Variants in BCLAF3 observed in about 807,000 individuals in gnomAD.
The protein encoded by BCLAF3 is transient octamer binding factor 1.
In BCLAF3, 24 loss-of-function variants were observed where a neutral mutation model predicts 51.2. The ratio of observed to expected loss-of-function variants is 0.47; its 90% CI spans 0.34 to 0.66. The LOEUF (loss-of-function observed/expected upper bound fraction) is 0.66, where lower values mean the gene tolerates loss of function less well. Among genes scored for constraint, BCLAF3 ranks in the 30% least tolerant of loss-of-function variants. The pLI is 0.01. For missense variants in BCLAF3, 465 were observed against 525.1 expected, an observed-to-expected ratio of 0.89 and a Z score of 1.12; for synonymous variants, 152 against 176.6, an observed-to-expected ratio of 0.86 and a Z score of 1.10.
chrX:19,972,131 A>T (rs1301615099), intron 1 of BCLAF3, among the ~76,000 whole-genome samples: 1 of 112,569 alleles, frequency 8.9e-6, no homozygotes, highest in African/African-American at 3.2e-5. Context: ...ACAAAGTATT[A>T]TGAAATTAAA....
intron 1 of BCLAF3, among the ~76,000 whole-genome samples, chrX:19,977,573 G>A (rs1025053198): frequency 1.1e-4 from 12 of 112,332 alleles, no homozygotes; most frequent in African/African-American, 3.9e-4. Context: ...TTGGAAGTTA[G>A]CAGAGGTTGG....
chrX:19,975,060 C>T (rs917148657), intron 1 of BCLAF3, among the ~76,000 whole-genome samples: 3 of 111,356 alleles, frequency 2.7e-5, no homozygotes, highest in Non-Finnish European at 5.7e-5. Flanking sequence ...CTAAAAACCA[C>T]TGAAATGCAC....
intron 8 of BCLAF3, among the ~76,000 whole-genome samples, chrX:19,941,769 C>T (rs2071060942): frequency 9.9e-6 from 1 of 101,104 alleles, no homozygotes; most frequent in African/African-American, 3.8e-5. Flanking sequence ...TTTTTTGGTT[C>T]CATATGAACT....
rs1056130569 is a variant in BCLAF3 at position 19,991,042 on chromosome X, G to A, written c.-169C>T. On this transcript the variant is annotated 5_prime_UTR_variant, in exon 1 of 12. Transcript: ENST00000379682. ...CAGCGACACCCCAGCCACCTCTGCC[G>A]GGCCGCGGGACCCGGAACCACTTCC... Among the ~76,000 whole-genome samples the A allele has an allele frequency of 9.3e-6, 1 of 107,634 alleles. No homozygotes were observed. Among genetic ancestry groups the A allele is most frequent in the African/African-American group, 3.4e-5 (1 of 29,676 alleles). The allele number at this position is 107,634 out of a possible 115,157, so 93.5% of individuals were successfully genotyped here.
chrX:19,981,608 T>C lies in BCLAF3; in HGVS notation c.-35+9300A>G, dbSNP rs182723078. Among the ~76,000 whole-genome samples, 572 of 112,048 alleles carry C rather than the reference T, an allele frequency of 5.1e-3. 3 individuals are homozygous for C. Among genetic ancestry groups the C allele is most frequent in the African/African-American group, 0.017 (532 of 30,843 alleles). On this transcript the variant is annotated intron_variant, in intron 1 of 11. Transcript: ENST00000379682. ...GATACCCAGGAGAAATGAAAACATA[T>C]GTCTACACAAAACTTGTATACAAAT...
Position 19,950,784 on chromosome X carries a change from G to A in BCLAF3, c.1714C>T (p.His572Tyr). 1 of 1,208,402 alleles carries A rather than the reference G, an allele frequency of 8.3e-7. No individual in the cohort carries two copies. Among genetic ancestry groups the A allele is most frequent in the Non-Finnish European group, 1.1e-6 (1 of 893,139 alleles). ...RKERLQNEDE[H>Y]IFHIASAAER... The stretch of plus-strand genomic sequence containing the variant: ...GCAGCACTAGCTATGTGAAAAATGT[G>A]CTCATCTTCATTCTGTAACCGTTCT... The change falls in exon 8 of 12, where the codon CAC (histidine) becomes TAC (tyrosine). Residue 572 changes from histidine (H) to tyrosine (Y), a missense_variant. Physicochemically the swap from His to Tyr is moderately conservative, Grantham distance 83. Coordinates refer to ENST00000379682, the MANE Select transcript of BCLAF3 (RefSeq NM_001367774.2).
intron 8 of BCLAF3, among the ~76,000 whole-genome samples, chrX:19,943,889 T>C (rs1342275071): frequency 2.3e-5 from 1 of 43,623 alleles, no homozygotes; most frequent in African/African-American, 9.4e-5. Context: ...AAGTCTCCCA[T>C]TATTAATGTG....
intron 9 of BCLAF3, among the ~76,000 whole-genome samples, chrX:19,936,781 AG>A (rs2070776861): frequency 8.9e-6 from 1 of 111,885 alleles, no homozygotes; most frequent in East Asian, 2.8e-4. Context: ...TCTTTAAGAC[AG>A]AAAGTAGATT....
intron 1 of BCLAF3, among the ~76,000 whole-genome samples, chrX:19,984,511 C>T (rs770672591): frequency 9.1e-6 from 1 of 109,923 alleles, no homozygotes; most frequent in East Asian, 2.8e-4. Context: ...TATTAGGTCA[C>T]AAAGAAAAAA....
intron 9 of BCLAF3, 140 bp from the exon 10 acceptor site, chrX:19,936,038 C>A: frequency 2.1e-6 from 1 of 478,969 alleles, no homozygotes; most frequent in Non-Finnish European, 3.6e-6. Flanking sequence ...CTGTAGAGCA[C>A]ATACACATCT....
intron 11 of BCLAF3, among the ~76,000 whole-genome samples, chrX:19,924,895 G>T (rs2070310376): frequency 9.0e-6 from 1 of 111,081 alleles, no homozygotes; most frequent in African/African-American, 3.3e-5. Context: ...CTTCCTGGGG[G>T]TACTTCTGAA....
Position 19,917,124 on chromosome X carries a change from G to A in BCLAF3, c.*181C>T, listed in dbSNP as rs1227129442. 2.1e-6 allele frequency: 1 copy of A among 477,613 alleles called. No individual in the cohort carries two copies. The highest frequency in any genetic ancestry group is 3.6e-6 in the Non-Finnish European group (1 of 275,773). The allele number at this position is 477,613 out of a possible 1,213,427, so 39.4% of individuals were successfully genotyped here. A position where few individuals can be genotyped will look rare whatever the true frequency, so the allele number is the denominator to read the frequency against. On this transcript the variant is annotated 3_prime_UTR_variant, in exon 12 of 12. Coordinates refer to ENST00000379682, the MANE Select transcript of BCLAF3 (RefSeq NM_001367774.2). ...TAATACAACTTTTAAATTGAATACT[G>A]TAATTTAAAAGCAATTGTTAGGTGT...
At chrX:19,981,604 C>T (rs2072613644) in intron 1 of BCLAF3, among the ~76,000 whole-genome samples, 1 of 111,798 alleles carries the variant, frequency 8.9e-6, no homozygotes, top group African/African-American at 3.3e-5. Context: ...GAAATGAAAA[C>T]ATATGTCTAC....
At chrX:19,961,606 C>A (rs902291680) in intron 4 of BCLAF3, among the ~76,000 whole-genome samples, 1 of 112,109 alleles carries the variant, frequency 8.9e-6, no homozygotes, top group African/African-American at 3.2e-5. Context: ...AAAAAAAAAT[C>A]TAATTTATTT....
At chrX:19,918,971 A>G (rs1468179149) in intron 11 of BCLAF3, among the ~76,000 whole-genome samples, 2 of 110,717 alleles carry the variant, frequency 1.8e-5, no homozygotes, top group African/African-American at 6.6e-5. Flanking sequence ...TTCTCCCCAG[A>G]ACCTCCCCAC....
chrX:19,954,547 G>T (rs1234670370), intron 5 of BCLAF3, among the ~76,000 whole-genome samples: 2 of 111,942 alleles, frequency 1.8e-5, no homozygotes, highest in Non-Finnish European at 3.8e-5. Context: ...TTTCTGCCAA[G>T]AATCACATTT....
At chrX:19,918,089 C>T (rs994861637) in intron 11 of BCLAF3, 2 of 111,496 alleles carry the variant, frequency 1.8e-5, no homozygotes, top group African/African-American at 6.5e-5. Context: ...TAGGATCTTA[C>T]ACTATTAAAA....
chrX:19,982,072 CAG>C (rs1473037351), intron 1 of BCLAF3, among the ~76,000 whole-genome samples: 2 of 112,110 alleles, frequency 1.8e-5, no homozygotes. Context: ...AATCAACTGA[CAG>C]AGATTCCACA....
intron 11 of BCLAF3, among the ~76,000 whole-genome samples, chrX:19,920,651 A>T (rs949533445): frequency 1.2e-4 from 13 of 109,843 alleles, no homozygotes; most frequent in Non-Finnish European, 2.1e-4. Context: ...GAGACCCCGT[A>T]CCTACAAGAA....
Sources: allele counts gnomAD v4.1 joint callset (sites outside exome capture counted in the v4.1 genomes callset), GRCh38; gene constraint gnomAD v4.1.1; transcripts MANE v1.5; gene names NCBI Gene and HGNC (gene_info 2026-07-23, HGNC 2026-07-21).